DGKB: variants seen among roughly 807,000 people sequenced by gnomAD.
DGKB encodes the protein diacylglycerol kinase beta.
A neutral mutation model predicts 114.3 loss-of-function variants in DGKB; 67 were observed. The observed-to-expected ratio is 0.59, with a 90% CI of 0.48 to 0.72. The LOEUF is 0.72. Among genes scored for constraint, DGKB ranks in the 30% least tolerant of loss-of-function variants. DGKB has a pLI of 0.00. For missense variants in DGKB, 907 were observed against 975.2 expected, an observed-to-expected ratio of 0.93 and a Z score of 0.93; for synonymous variants, 398 against 323.1, an observed-to-expected ratio of 1.23 and a Z score of -2.49.
At chr7:14,537,141 T>G (rs1792637987) in intron 20 of DGKB, among the ~76,000 whole-genome samples, 1 of 151,934 alleles carries the variant, frequency 6.6e-6, no homozygotes, top group Non-Finnish European at 1.5e-5. Flanking sequence ...GTTGAAAAAT[T>G]TAAAACCCTC....
At chr7:14,592,619 G>A (rs753030542) in intron 17 of DGKB, among the ~76,000 whole-genome samples, 17 of 151,858 alleles carry the variant, frequency 1.1e-4, no homozygotes, top group South Asian at 4.2e-4. Context: ...TACCCAAACT[G>A]TATCTGTACA....
At chr7:14,804,070 G>GGTGTGTGTGTGT (rs34964846) in intron 2 of DGKB, among the ~76,000 whole-genome samples, 61 of 146,508 alleles carry the variant, frequency 4.2e-4, no homozygotes, top group Non-Finnish European at 6.7e-4. Flanking sequence ...TCACTTTTTG[G>GGTGTGTGTGTGT]GTGTGTGTGT....
At chr7:14,539,527 G>T (rs549753248) in intron 20 of DGKB, among the ~76,000 whole-genome samples, 1 of 152,132 alleles carries the variant, frequency 6.6e-6, no homozygotes, top group East Asian at 1.9e-4. Context: ...TTAATCATGT[G>T]GTATGCAAAT....
At chr7:14,627,582 G>GTGTC (rs558370209) in intron 14 of DGKB, among the ~76,000 whole-genome samples, 20 of 128,958 alleles carry the variant, frequency 1.6e-4, no homozygotes, top group African/African-American at 5.6e-4. Flanking sequence ...GTGTATGTCT[G>GTGTC]TGTCTGTGTG....
chr7:14,907,147 C>T (rs1007769386), upstream of DGKB, among the ~76,000 whole-genome samples: 23 of 152,110 alleles, frequency 1.5e-4, no homozygotes, highest in Admixed American at 1.2e-3. Flanking sequence ...TCAGAAAAGA[C>T]ATGATATTAT....
At chr7:14,590,098 C>T (rs1801448582) in intron 17 of DGKB, among the ~76,000 whole-genome samples, 1 of 150,978 alleles carries the variant, frequency 6.6e-6, no homozygotes. Flanking sequence ...CAGCATGGCA[C>T]ATGTATACAT....
intron 2 of DGKB, among the ~76,000 whole-genome samples, chr7:14,830,889 G>T (rs1195709549): frequency 1.3e-5 from 2 of 151,568 alleles, no homozygotes; most frequent in Admixed American, 6.6e-5. Context: ...ACTAATATTT[G>T]TAAGAAAAAC....
intron 23 of DGKB, among the ~76,000 whole-genome samples, chr7:14,226,769 A>C (rs1016262449): frequency 6.6e-6 from 1 of 152,100 alleles, no homozygotes. Context: ...AAATGAATCA[A>C]TTATATAACA....
At chr7:14,516,103 C>T (rs908631526) in intron 20 of DGKB, among the ~76,000 whole-genome samples, 12 of 152,128 alleles carry the variant, frequency 7.9e-5, no homozygotes, top group African/African-American at 2.9e-4. Flanking sequence ...CCACCTTGGC[C>T]TCCCAAAGTG....
chr7:14,649,578 C>A (rs1813959447), intron 13 of DGKB, among the ~76,000 whole-genome samples: 2 of 151,960 alleles, frequency 1.3e-5, no homozygotes, highest in African/African-American at 2.4e-5. Context: ...TAGGAAGAAA[C>A]TGCATCAACT....
chr7:14,658,838 G>A (rs868511344), intron 13 of DGKB, among the ~76,000 whole-genome samples: 29 of 151,558 alleles, frequency 1.9e-4, no homozygotes, highest in Admixed American at 9.2e-4. Context: ...AAATAGTTTT[G>A]TTGTCCTTTC....
At chr7:14,296,772 T>A (rs922602478) in intron 23 of DGKB, among the ~76,000 whole-genome samples, 1 of 149,796 alleles carries the variant, frequency 6.7e-6, no homozygotes, top group Non-Finnish European at 1.5e-5. Context: ...TTTTTTTTTT[T>A]TTTTTTTTTT....
intron 10 of DGKB, among the ~76,000 whole-genome samples, chr7:14,684,771 G>T (rs542770943): frequency 6.6e-6 from 1 of 151,912 alleles, no homozygotes; most frequent in Non-Finnish European, 1.5e-5. Context: ...AAATTAGTTC[G>T]TATATCTTGC....
At chr7:14,472,827 T>C (rs1350492666) in intron 21 of DGKB, among the ~76,000 whole-genome samples, 1 of 152,176 alleles carries the variant, frequency 6.6e-6, no homozygotes, top group Non-Finnish European at 1.5e-5. Context: ...GGTGGCACTT[T>C]GTCCCTGCCC....
chr7:14,213,442 G>T (rs1788460292), intron 23 of DGKB, among the ~76,000 whole-genome samples: 1 of 152,102 alleles, frequency 6.6e-6, no homozygotes, highest in Non-Finnish European at 1.5e-5. Context: ...CTGTATGTCT[G>T]GGAAGCAAAG....
At chr7:14,913,449 C>T (rs1784090639) in intron 1 of DGKB, among the ~76,000 whole-genome samples, 2 of 148,942 alleles carry the variant, frequency 1.3e-5, no homozygotes, top group Non-Finnish European at 3.0e-5. Flanking sequence ...TATTTATTAC[C>T]TTTGAGTAAG....
rs149160733 is a variant in DGKB, at chr7:14,542,783, G to A, written c.1770+31429C>T. On this transcript the variant is annotated intron_variant, in intron 20 of 25. Transcript: ENST00000402815. ...GCAGATTGCCACTCACTTAGCAATCGCATCCAGAGGACTTTTGGAGATTTT... is the reference window on the plus strand; with the variant it reads ...GCAGATTGCCACTCACTTAGCAATCACATCCAGAGGACTTTTGGAGATTTT... Among the ~76,000 whole-genome samples, 188 of 152,236 alleles carry A rather than the reference G, an allele frequency of 1.2e-3. 1 individual carries two copies. The highest frequency in any genetic ancestry group is 4.1e-3 in the African/African-American group (169 of 41,538).
chr7:14,244,475 T>C (rs1794151000), intron 23 of DGKB, among the ~76,000 whole-genome samples: 1 of 150,096 alleles, frequency 6.7e-6, no homozygotes, highest in African/African-American at 2.5e-5. Flanking sequence ...GCTAACACGG[T>C]GAAACCCCGT....
At chr7:14,946,314 T>C (rs1194161271) in intron 1 of DGKB, among the ~76,000 whole-genome samples, 1 of 151,664 alleles carries the variant, frequency 6.6e-6, no homozygotes, top group African/African-American at 2.4e-5. Context: ...AAAGAAATCA[T>C]AGACCAAGGC....
Sources: allele counts gnomAD v4.1 joint callset (sites outside exome capture counted in the v4.1 genomes callset), GRCh38; gene constraint gnomAD v4.1.1; transcripts MANE v1.5; gene names NCBI Gene and HGNC (gene_info 2026-07-23, HGNC 2026-07-21).